INPP4B: variants seen among roughly 807,000 people sequenced by gnomAD.
INPP4B encodes the protein inositol polyphosphate 4-phosphatase type II.
Under a neutral mutation model 122.5 loss-of-function variants are expected in INPP4B, and 55 were observed. The ratio of observed to expected loss-of-function variants is 0.45; its 90% confidence interval spans 0.36 to 0.56. The LOEUF (loss-of-function observed/expected upper bound fraction) is 0.56, where lower values mean the gene tolerates loss of function less well. INPP4B is among the 20% of genes least tolerant of loss of function. The pLI, the probability that INPP4B is intolerant of heterozygous loss-of-function variation, is 0.00. For missense variants in INPP4B, 1,000 were observed against 1,097.7 expected (o/e 0.91, Z 1.26); for synonymous variants, 403 against 388.7 (o/e 1.04, Z -0.43).
chr4:142,169,600 A>G (rs190090509), intron 16 of INPP4B, among the ~76,000 whole-genome samples: 1 of 151,820 alleles, frequency 6.6e-6, no homozygotes, highest in Admixed American at 6.6e-5. Context: ...TTCTTTGAAT[A>G]TAAGAGAACA....
chr4:142,495,778 AGAATGTATT>A (rs1822474749), intron 2 of INPP4B, among the ~76,000 whole-genome samples: 2 of 152,162 alleles, frequency 1.3e-5, no homozygotes, highest in South Asian at 4.1e-4. Flanking sequence ...TCAAAACCTC[AGAATGTATT>A]GAATTATAAA....
At chr4:142,774,772 G>A (rs1368694899) in intron 1 of INPP4B, among the ~76,000 whole-genome samples, 4 of 151,966 alleles carry the variant, frequency 2.6e-5, no homozygotes, top group African/African-American at 9.7e-5. Flanking sequence ...CAAAAATAGG[G>A]CAGAATTCCC....
intron 1 of INPP4B, among the ~76,000 whole-genome samples, chr4:142,800,043 A>C (rs1777812863): frequency 6.6e-6 from 1 of 152,078 alleles, no homozygotes; most frequent in Non-Finnish European, 1.5e-5. Flanking sequence ...GACTATAGAA[A>C]GATCATTCTG....
chr4:142,768,291 A>G (rs1479254442), intron 1 of INPP4B, among the ~76,000 whole-genome samples: 2 of 152,186 alleles, frequency 1.3e-5, no homozygotes, highest in African/African-American at 2.4e-5. Flanking sequence ...AATACTAAAG[A>G]CTGCTCTCAG....
At chr4:142,697,760 G>A (rs1454128418) in intron 2 of INPP4B, among the ~76,000 whole-genome samples, 1 of 152,168 alleles carries the variant, frequency 6.6e-6, no homozygotes, top group African/African-American at 2.4e-5. Context: ...GCTGGATCAA[G>A]TAGAAATCCT....
chr4:142,080,105 G>A (rs1012387415), intron 25 of INPP4B, among the ~76,000 whole-genome samples: 3 of 152,032 alleles, frequency 2.0e-5, no homozygotes, highest in Non-Finnish European at 4.4e-5. Flanking sequence ...TAAAAGATGA[G>A]GAAACTGAGA....
chr4:142,360,074 T>A (rs984954790), intron 7 of INPP4B, among the ~76,000 whole-genome samples: 2 of 151,984 alleles, frequency 1.3e-5, no homozygotes, highest in Admixed American at 1.3e-4. Flanking sequence ...AAAGAAATAT[T>A]AAAAGAAATA....
intron 16 of INPP4B, among the ~76,000 whole-genome samples, chr4:142,161,261 T>C (rs1241993657): frequency 1.3e-5 from 2 of 151,996 alleles, no homozygotes; most frequent in Non-Finnish European, 2.9e-5. Context: ...TAGTACGTAC[T>C]ATAGCAATGA....
chr4:142,599,140 C>T (rs1233411516), intron 2 of INPP4B, among the ~76,000 whole-genome samples: 2 of 152,192 alleles, frequency 1.3e-5, no homozygotes, highest in Non-Finnish European at 2.9e-5. Context: ...GCCACAGCTA[C>T]TTCCATCACC....
chr4:142,119,376 G>C (rs1795403278), intron 21 of INPP4B, among the ~76,000 whole-genome samples: 1 of 152,114 alleles, frequency 6.6e-6, no homozygotes, highest in South Asian at 2.1e-4. Flanking sequence ...ATTCACAATA[G>C]CAAAGACTTG....
chr4:142,671,184 T>C (rs1408414030), intron 2 of INPP4B, among the ~76,000 whole-genome samples: 1 of 152,098 alleles, frequency 6.6e-6, no homozygotes. Context: ...AGAGGATCAT[T>C]ATAACCACCT....
At chr4:142,603,499 CA>C (rs900165917) in intron 2 of INPP4B, among the ~76,000 whole-genome samples, 16 of 149,322 alleles carry the variant, frequency 1.1e-4, no homozygotes, top group African/African-American at 2.5e-4. Flanking sequence ...AGATAAGAGA[CA>C]AAAAAAATCA....
chr4:142,421,864 C>T (rs578132152), intron 5 of INPP4B, among the ~76,000 whole-genome samples: 5 of 152,086 alleles, frequency 3.3e-5, no homozygotes, highest in African/African-American at 1.2e-4. Flanking sequence ...TTTATTTTGC[C>T]CTTACCACAA....
chr4:142,470,354 A>C lies in INPP4B; in HGVS notation c.-190-7628T>G, dbSNP rs80159573. Among the ~76,000 whole-genome samples the C allele has an allele frequency of 3.6e-3, 552 of 152,326 alleles. 4 individuals carry two copies. Among genetic ancestry groups the C allele is most frequent in the African/African-American group, 0.013 (525 of 41,592 alleles). ...GTTCAACTTCATTAATACTCAAGGA[A>C]ATAACCATTATAAACAATGATCAAC... On this transcript the variant is annotated intron_variant, in intron 2 of 25. Transcript: ENST00000262992.
intron 18 of INPP4B, among the ~76,000 whole-genome samples, chr4:142,136,874 A>G (rs1804640556): frequency 6.6e-6 from 1 of 152,140 alleles, no homozygotes; most frequent in Non-Finnish European, 1.5e-5. Context: ...CGCTGTTAAA[A>G]TTTAATCATC....
intron 2 of INPP4B, among the ~76,000 whole-genome samples, chr4:142,639,275 A>G (rs2150469793): frequency 6.6e-6 from 1 of 152,312 alleles, no homozygotes; most frequent in Middle Eastern, 3.4e-3. Flanking sequence ...TTCTGACCTA[A>G]TAGAATGAGT....
At chr4:142,272,886 T>G (rs1336971346) in intron 9 of INPP4B, among the ~76,000 whole-genome samples, 1 of 152,066 alleles carries the variant, frequency 6.6e-6, no homozygotes, top group Non-Finnish European at 1.5e-5. Flanking sequence ...TGTTTTAAAC[T>G]TTTTACTTGG....
chr4:142,752,694 C>G (rs1446440635), intron 1 of INPP4B, among the ~76,000 whole-genome samples: 1 of 152,020 alleles, frequency 6.6e-6, no homozygotes, highest in Non-Finnish European at 1.5e-5. Context: ...TAATTCTTCA[C>G]ATAGCATCGT....
chr4:142,693,519 A>T, intron 2 of INPP4B, among the ~76,000 whole-genome samples: 1 of 108,426 alleles, frequency 9.2e-6, no homozygotes, highest in Non-Finnish European at 1.9e-5. Context: ...AAAAAAAAAA[A>T]AAAAAAAAAA....
Sources: gnomAD v4.1 joint callset for allele counts (sites outside exome capture counted in the v4.1 genomes callset) on GRCh38, gnomAD v4.1.1 for gene constraint, MANE v1.5 for transcripts, NCBI Gene and HGNC (gene_info 2026-07-23, HGNC 2026-07-21) for gene names.